HERC1: variants seen among roughly 807,000 people sequenced by gnomAD.
HERC1 encodes HECT and RLD domain containing E3 ubiquitin protein ligase family member 1, also known as probable E3 ubiquitin-protein ligase HERC1.
In HERC1, 160 loss-of-function variants were observed where a neutral mutation model predicts 554.3. That is an observed-to-expected ratio of 0.29 (90% confidence interval 0.25 to 0.33). The LOEUF (loss-of-function observed/expected upper bound fraction) is 0.33, where lower values mean the gene tolerates loss of function less well. HERC1 is among the 10% of genes least tolerant of loss of function. HERC1 has a pLI of 1.00. For missense variants in HERC1, 4,919 were observed against 5,918.5 expected, an observed-to-expected ratio of 0.83 and a Z score of 5.54; for synonymous variants, 2,175 against 2,131.7, an observed-to-expected ratio of 1.02 and a Z score of -0.56.
intron 1 of HERC1, among the ~76,000 whole-genome samples, chr15:63,804,943 T>C (rs2077094543): frequency 6.6e-6 from 1 of 152,208 alleles, no homozygotes; most frequent in South Asian, 2.1e-4. Flanking sequence ...ATACTAGGTA[T>C]TGGTGAGGAT....
At chr15:63,642,872 CT>C (rs2069140983) in intron 59 of HERC1, 84 bp downstream of exon 59, 1 of 782,144 alleles carries the variant, frequency 1.3e-6, no homozygotes, top group East Asian at 2.7e-5. Context: ...CAGGTTTCTC[CT>C]CCATAAAGTG....
chr15:63,778,126 T>C (rs1045120716), intron 1 of HERC1, among the ~76,000 whole-genome samples: 10 of 152,166 alleles, frequency 6.6e-5, no homozygotes, highest in African/African-American at 1.4e-4. Context: ...AATGCCAAAA[T>C]TGCAAATAAT....
In HERC1 at chr15:63,718,979, A is replaced by T. The variant is rs2073689495; in HGVS notation, c.3743-82T>A. On this transcript the variant is annotated intron_variant, in intron 19 of 77. Transcript: ENST00000443617. The surrounding 1 kb of genome is among the most constrained non-coding windows in gnomAD (Gnocchi z 4.2). The stretch of plus-strand genomic sequence containing the variant: ...TAATTTTTATAGCTTTAGTCATCCA[A>T]CACCTGAATTTTATCATCTTTCTAA... The T allele has an allele frequency of 1.2e-6, 1 of 862,766 alleles. No individual in the cohort carries two copies. The highest frequency in any genetic ancestry group is 1.7e-5 in the South Asian group (1 of 58,626). 53.4% of individuals were successfully genotyped at this position (862,766 alleles called of 1,614,324 possible). A position where few individuals can be genotyped will look rare whatever the true frequency, so the allele number is the denominator to read the frequency against.
At chr15:63,751,850 T>C (rs543404670) in intron 8 of HERC1, among the ~76,000 whole-genome samples, 144 of 152,248 alleles carry the variant, frequency 9.5e-4, no homozygotes, top group Non-Finnish European at 1.7e-3. Context: ...ATTATTACTA[T>C]TATTACTACC....
At chr15:63,720,172 T>G (rs1033702838) in intron 19 of HERC1, among the ~76,000 whole-genome samples, 2 of 138,664 alleles carry the variant, frequency 1.4e-5, no homozygotes, top group Non-Finnish European at 3.1e-5. Flanking sequence ...GGTGGCTACA[T>G]AGCTCACTGC....
chr15:63,826,629 T>C (rs148143152), intron 1 of HERC1, among the ~76,000 whole-genome samples: 2 of 151,488 alleles, frequency 1.3e-5, no homozygotes, highest in African/African-American at 4.8e-5. Context: ...CTAATGGACT[T>C]TACCTGCACA....
chr15:63,760,650 T>C (rs2075582364), intron 3 of HERC1, among the ~76,000 whole-genome samples: 1 of 151,676 alleles, frequency 6.6e-6, no homozygotes, highest in South Asian at 2.1e-4. Context: ...AATTAAAAAA[T>C]TTAAAAAGAC....
rs776832194 is a variant in HERC1, at chr15:63,677,371, T to C, written c.7070+474A>G. Among the ~76,000 whole-genome samples the C allele has an allele frequency of 7.2e-5, 11 of 152,318 alleles. No individual in the cohort carries two copies. The highest frequency in any genetic ancestry group is 1.9e-4 in the East Asian group (1 of 5,184). On this transcript the variant is annotated intron_variant, in intron 37 of 77. Transcript: ENST00000443617. This position sits in a 1 kb window ranked among gnomAD's most constrained non-coding sequence, Gnocchi z 4.4. ...GAGGGGATAGAAATATGTGGTTTTA[T>C]AAAAAGGAAGAATACTTAAAATTAC...
Position 63,623,825 on chromosome 15 carries a change from T to C in HERC1, c.13511A>G (p.Asp4504Gly), listed in dbSNP as rs1595841401. The C allele has an allele frequency of 1.9e-6, 3 of 1,613,924 alleles. No individual in the cohort carries two copies. The highest frequency in any genetic ancestry group is 4.5e-5 in the East Asian group (2 of 44,886). ...ARQVVKLNAS[D>G]LRLPSRAWKV... ...CCACGCTCGGGAAGGCAGGCGGAGG[T>C]CTGAAGCATTCAGCTTAACTACTTG... Residue 4504 changes from aspartate to glycine, a missense_variant, in exon 73 of 78, where the codon GAC becomes GGC. Coordinates refer to ENST00000443617, the MANE Select transcript of HERC1 (RefSeq NM_003922.4).
intron 38 of HERC1, 122 bp from the exon 39 acceptor site, chr15:63,672,816 A>G (rs2071003282): frequency 3.0e-6 from 2 of 669,072 alleles, no homozygotes; most frequent in African/African-American, 3.6e-5. Flanking sequence ...ACAAGCATCA[A>G]TTTCTATGAA....
chr15:63,674,237 A>T (rs778723424), intron 38 of HERC1, 105 bp downstream of exon 38: 9,681 of 688,290 alleles, frequency 0.014, 24 homozygotes, highest in Non-Finnish European at 0.018. Flanking sequence ...CAAAAAAAAA[A>T]TTTTTTTTTT....
intron 39 of HERC1, among the ~76,000 whole-genome samples, chr15:63,672,191 A>G (rs2070965557): frequency 6.6e-6 from 1 of 152,160 alleles, no homozygotes; most frequent in South Asian, 2.1e-4. Context: ...GGAAAAAAAA[A>G]TACTCAAAAA....
At chr15:63,663,282 T>A in intron 43 of HERC1, 78 bp from the exon 44 acceptor site, 1 of 1,178,752 alleles carries the variant, frequency 8.5e-7, no homozygotes, top group South Asian at 1.3e-5. Flanking sequence ...TTAACTGCCA[T>A]ACATGTAGGT....
chr15:63,829,583 AT>A (rs1567172174), intron 1 of HERC1, among the ~76,000 whole-genome samples: 27 of 137,194 alleles, frequency 2.0e-4, no homozygotes, highest in African/African-American at 7.1e-4. Flanking sequence ...ATATATATAT[AT>A]ATATATATAT....
intron 64 of HERC1, chr15:63,637,026 G>A (rs2068813107): frequency 6.9e-6 from 3 of 434,522 alleles, no homozygotes; most frequent in Non-Finnish European, 1.4e-5. Flanking sequence ...AGGCTTCAGA[G>A]TCATTATGAG....
Position 63,733,063 on chromosome 15 carries a change from T to C in HERC1, c.2729A>G (p.Asp910Gly), listed in dbSNP as rs1214558916. The C allele has an allele frequency of 6.2e-7, 1 of 1,613,876 alleles. No individual in the cohort carries two copies. The highest frequency in any genetic ancestry group is 1.3e-5 in the African/African-American group (1 of 75,038). The change falls in exon 14 of 78, where the codon GAT becomes GGT. Residue 910 changes from aspartate to glycine, a missense_variant. Asp to Gly is a moderately conservative substitution (Grantham distance 94). Around this residue, in one of 11 missense-constraint regions of HERC1, gnomAD observed 744 missense variants for 1,090.0 expected, o/e 0.68. Coordinates refer to ENST00000443617, the MANE Select transcript of HERC1 (RefSeq NM_003922.4). ...ACACACAGAAGATAGGTCAGCAGCA[T>C]CAGAGGGTGAACTATAGCCAAGTAG... The part of the protein sequence containing the change: ...ASLLGYSSPS[D>G]AADLSSVCTG...
At position 63,612,743 on chromosome 15, in the gene HERC1, A is replaced by G. The variant is rs574675836; in HGVS notation, c.14095-187T>C. Among the ~76,000 whole-genome samples the G allele has an allele frequency of 6.6e-6, 1 of 152,318 alleles. No homozygotes were observed. Among genetic ancestry groups the G allele is most frequent in the Admixed American group, 6.5e-5 (1 of 15,292 alleles). ...CCCTCCCTGCCTCTCAACCCTTGTT[A>G]GAGTGCCTCCCTGCTGTGGGATTCT... is the stretch of plus-strand genomic sequence containing the variant. On this transcript the variant is annotated intron_variant, in intron 76 of 77. Transcript: ENST00000443617. This position sits in a 1 kb window ranked among gnomAD's most constrained non-coding sequence, Gnocchi z 5.0.
chr15:63,754,518 T>G lies in HERC1; in HGVS notation c.1761A>C (p.Gly587=). 6.3e-7 allele frequency: 1 copy of G among 1,597,368 alleles called. No individual in the cohort carries two copies. The highest frequency in any genetic ancestry group is 8.5e-7 in the Non-Finnish European group (1 of 1,173,112). ...SKDGRTVWSF[G]GGDNGKLGHG... is the part of the protein sequence containing the mutation. ...TTTTTTACATACCATTGTCTCCTCC[T>G]CCAAAAGACCATACAGTTCTCCCAT... The change falls in exon 7 of 78, where the codon GGA becomes GGC. Residue 587 remains glycine (G), a synonymous_variant. Coordinates refer to ENST00000443617, the MANE Select transcript of HERC1 (RefSeq NM_003922.4).
intron 61 of HERC1, among the ~76,000 whole-genome samples, chr15:63,639,125 G>T (rs931671628): frequency 6.6e-6 from 1 of 152,106 alleles, no homozygotes; most frequent in East Asian, 1.9e-4. Context: ...CTGGGCTTCA[G>T]CTTCCTCATC....
Sources: gnomAD v4.1 joint callset for allele counts (sites outside exome capture counted in the v4.1 genomes callset) on GRCh38, gnomAD v4.1.1 for gene constraint, gnomAD v4.1.1 regional missense constraint, Gnocchi (gnomAD v3.1) non-coding constraint, MANE v1.5 for transcripts, NCBI Gene and HGNC (gene_info 2026-07-23, HGNC 2026-07-21) for gene names.